Variants in UBAC2 observed in about 807,000 individuals in gnomAD.
UBAC2 encodes the protein UBA domain containing 2.
A neutral mutation model predicts 44.0 loss-of-function variants in UBAC2; 26 were observed. That is an observed-to-expected ratio of 0.59 (90% CI 0.43 to 0.82). UBAC2 has a LOEUF of 0.82. Ranked by LOEUF, UBAC2 falls within the 40% of genes least tolerant of loss-of-function variation. The pLI is 0.00. For missense variants in UBAC2, 329 were observed against 419.4 expected (o/e 0.78, Z 1.88); for synonymous variants, 155 against 154.3 (o/e 1.00, Z -0.04).
At chr13:99,271,445 G>A (rs1265924719) in intron 4 of UBAC2, among the ~76,000 whole-genome samples, 2 of 151,894 alleles carry the variant, frequency 1.3e-5, no homozygotes, top group Admixed American at 1.3e-4. Flanking sequence ...ATGGGGTGTG[G>A]GAAGATAGCA....
At chr13:99,350,733 C>A (rs981704695) in intron 7 of UBAC2, among the ~76,000 whole-genome samples, 1 of 152,238 alleles carries the variant, frequency 6.6e-6, no homozygotes, top group African/African-American at 2.4e-5. Flanking sequence ...AAGGAGTGGA[C>A]CACGGGAACC....
chr13:99,327,644 A>T (rs544507695), intron 6 of UBAC2, among the ~76,000 whole-genome samples: 2 of 152,292 alleles, frequency 1.3e-5, no homozygotes, highest in African/African-American at 2.4e-5. Flanking sequence ...ACAGCATAGG[A>T]TGTTATCAAA....
intron 1 of UBAC2, among the ~76,000 whole-genome samples, chr13:99,211,522 A>G (rs934868078): frequency 6.6e-6 from 1 of 152,228 alleles, no homozygotes; most frequent in Non-Finnish European, 1.5e-5. Flanking sequence ...TTTAATGATA[A>G]AATACTACGT....
intron 7 of UBAC2, among the ~76,000 whole-genome samples, chr13:99,361,662 A>C (rs547719627): frequency 6.6e-6 from 1 of 152,274 alleles, no homozygotes; most frequent in East Asian, 1.9e-4. Flanking sequence ...TGCCCTGTAC[A>C]TTGTAGGATG....
intron 6 of UBAC2, among the ~76,000 whole-genome samples, chr13:99,334,464 A>G (rs1313933303): frequency 2.6e-5 from 4 of 152,170 alleles, no homozygotes; most frequent in Non-Finnish European, 5.9e-5. Context: ...ACAAAATTAT[A>G]CTTTGTTTCA....
intron 7 of UBAC2, among the ~76,000 whole-genome samples, chr13:99,355,641 C>T (rs2045168221): frequency 6.6e-6 from 1 of 152,254 alleles, no homozygotes; most frequent in Admixed American, 6.5e-5. Context: ...GGTTGGGACA[C>T]CTCTGGTCCT....
chr13:99,327,426 G>A (rs2044654179), intron 6 of UBAC2, among the ~76,000 whole-genome samples: 1 of 151,970 alleles, frequency 6.6e-6, no homozygotes, highest in Non-Finnish European at 1.5e-5. Context: ...TTTTTCATCA[G>A]TTTTGATTAT....
chr13:99,242,368 C>T (rs1209702052), intron 2 of UBAC2, among the ~76,000 whole-genome samples: 7 of 146,276 alleles, frequency 4.8e-5, no homozygotes, highest in African/African-American at 7.5e-5. Context: ...GGCGGCTGTC[C>T]GGGCAGAGGG....
intron 4 of UBAC2, among the ~76,000 whole-genome samples, chr13:99,252,408 C>T (rs188970496): frequency 6.6e-6 from 1 of 152,222 alleles, no homozygotes; most frequent in Admixed American, 6.5e-5. Flanking sequence ...TACAGTGTAG[C>T]CCCAGTAAGA....
chr13:99,280,986 G>A (rs1158422318), intron 4 of UBAC2, among the ~76,000 whole-genome samples: 2 of 152,136 alleles, frequency 1.3e-5, no homozygotes, highest in African/African-American at 4.8e-5. Flanking sequence ...AGGAGTTTGA[G>A]ACCAGCGTGG....
intron 6 of UBAC2, among the ~76,000 whole-genome samples, chr13:99,325,686 T>G (rs1444282697): frequency 6.6e-6 from 1 of 152,158 alleles, no homozygotes; most frequent in East Asian, 1.9e-4. Flanking sequence ...GATTTTTAAC[T>G]CTCCTTTTCC....
At chr13:99,364,424 A>G (rs1348543118) in intron 7 of UBAC2, among the ~76,000 whole-genome samples, 1 of 150,630 alleles carries the variant, frequency 6.6e-6, no homozygotes, top group Non-Finnish European at 1.5e-5. Flanking sequence ...TTTATTTAGG[A>G]TTATTGTATC....
rs1003642275 is a variant in UBAC2 at position 99,385,816 on chromosome 13, G to C, written c.*481G>C. 4.9e-5 allele frequency: 8 copies of C among 162,414 alleles called. No homozygotes were observed. Among genetic ancestry groups the C allele is most frequent in the African/African-American group, 1.9e-4 (8 of 41,686 alleles). The allele number at this position is 162,414 out of a possible 1,614,324, so 10.1% of individuals were successfully genotyped here. On this transcript the variant is annotated 3_prime_UTR_variant, in exon 9 of 9. Coordinates refer to ENST00000403766, the MANE Select transcript of UBAC2 (RefSeq NM_001144072.2). ...ACTTGTTTTCGAATCTCCTGGGAGT[G>C]AGGGAGAAACAGGGAGCTGAATCCT...
chr13:99,265,433 G>A (rs2043729972), intron 4 of UBAC2, among the ~76,000 whole-genome samples: 1 of 152,208 alleles, frequency 6.6e-6, no homozygotes, highest in South Asian at 2.1e-4. Flanking sequence ...ACATCTTTCT[G>A]CCTCTGGTGT....
intron 4 of UBAC2, among the ~76,000 whole-genome samples, chr13:99,289,767 T>C (rs35715041): frequency 0.18 from 26,349 of 150,184 alleles, 2,503 homozygotes; most frequent in Middle Eastern, 0.23. Context: ...GGGTGGGGCA[T>C]GGGGTGGGAG....
At chr13:99,201,241 C>T (rs2042793094) in intron 1 of UBAC2, 4 of 1,435,286 alleles carry the variant, frequency 2.8e-6, no homozygotes, top group Admixed American at 2.9e-5. Flanking sequence ...CCCTGGTGTT[C>T]TCGTGGGCCG....
intron 6 of UBAC2, among the ~76,000 whole-genome samples, chr13:99,338,047 C>CTTTTCTTTTT (rs2044820894): frequency 1.6e-4 from 8 of 48,866 alleles, no homozygotes; most frequent in African/African-American, 5.0e-4. Flanking sequence ...TTCTTTTTTT[C>CTTTTCTTTTT]TTTTTTTTTT....
intron 4 of UBAC2, among the ~76,000 whole-genome samples, chr13:99,304,853 C>T (rs939237901): frequency 6.6e-6 from 1 of 152,162 alleles, no homozygotes; most frequent in South Asian, 2.1e-4. Context: ...CTATTTCCGA[C>T]GTGATCTGCT....
At chr13:99,243,634 G>T (rs763921448) in intron 2 of UBAC2, among the ~76,000 whole-genome samples, 198 bp from the exon 3 acceptor site, 18 of 152,014 alleles carry the variant, frequency 1.2e-4, no homozygotes, top group African/African-American at 2.9e-4. Context: ...AGTACCTTTC[G>T]TGCCACTGTT....
Sources: allele counts gnomAD v4.1 joint callset (sites outside exome capture counted in the v4.1 genomes callset), GRCh38; gene constraint gnomAD v4.1.1; transcripts MANE v1.5; gene names NCBI Gene and HGNC (gene_info 2026-07-23, HGNC 2026-07-21).